The following FRMD4B variants were observed in gnomAD, a reference collection of about 807,000 sequenced individuals.
FRMD4B encodes the protein FERM domain containing 4B, also known as FERM domain-containing protein 4B.
Under a neutral mutation model 141.5 loss-of-function variants are expected in FRMD4B, and 74 were observed. The observed-to-expected ratio is 0.52, with a 90% confidence interval of 0.43 to 0.63. The LOEUF (loss-of-function observed/expected upper bound fraction) is 0.63, where lower values mean the gene tolerates loss of function less well. FRMD4B is among the 30% of genes least tolerant of loss of function. FRMD4B has a pLI of 0.00. For missense variants in FRMD4B, 1,366 were observed against 1,253.4 expected (o/e 1.09, Z -1.36); for synonymous variants, 506 against 467.9 (o/e 1.08, Z -1.05).
At chr3:69,267,706 C>G (rs2093574444) in intron 5 of FRMD4B, among the ~76,000 whole-genome samples, 1 of 142,040 alleles carries the variant, frequency 7.0e-6, no homozygotes, top group Non-Finnish European at 1.5e-5. Context: ...GTCTGTCCCC[C>G]CAGTCTATCT....
chr3:69,350,476 A>C (rs980614972), intron 1 of FRMD4B, among the ~76,000 whole-genome samples: 2 of 152,222 alleles, frequency 1.3e-5, no homozygotes, highest in Non-Finnish European at 2.9e-5. Context: ...ATTACTGCGT[A>C]TATACCCAAA....
Position 69,325,297 on chromosome 3 carries a change from C to T in FRMD4B, c.163-11780G>A, listed in dbSNP as rs149432406. On this transcript the variant is annotated intron_variant, in intron 1 of 22. Transcript: ENST00000398540. ...CAAGAAAGGCTGGCCAGTCAATGGA[C>T]GGCCATTGCTGCAGCTCTAATGCCA... Among the ~76,000 whole-genome samples the T allele has an allele frequency of 3.3e-3, 509 of 152,268 alleles. 1 individual carries two copies. Among genetic ancestry groups the T allele is most frequent in the African/African-American group, 0.011 (465 of 41,554 alleles).
intron 1 of FRMD4B, among the ~76,000 whole-genome samples, chr3:69,349,625 G>T (rs970023820): frequency 6.6e-6 from 1 of 151,954 alleles, no homozygotes; most frequent in Non-Finnish European, 1.5e-5. Context: ...CCAAAACAGA[G>T]ATATAGACCA....
At position 69,176,528 on chromosome 3, in the gene FRMD4B, T is replaced by C; in HGVS notation, c.2980A>G (p.Ser994Gly). Reference sequence around the variant, plus strand: ...TTTCGAGCATTGCTTCCTCACCTGCTTGGAGAGGGTAAAGGATTATAGACA... The same window carrying C: ...TTTCGAGCATTGCTTCCTCACCTGCCTGGAGAGGGTAAAGGATTATAGACA... Reference protein sequence around the residue: ...GNVYNPLPSPSRQYTEISQLD... With the variant: ...GNVYNPLPSPGRQYTEISQLD... The change falls in exon 22 of 23, where the codon AGC (serine) becomes GGC (glycine). Residue 994 changes from serine to glycine, a missense_variant. Transcript: ENST00000398540. 1 of 1,611,598 alleles carries C rather than the reference T, an allele frequency of 6.2e-7. No homozygotes were observed.
chr3:69,212,547 A>T (rs1460933373), intron 11 of FRMD4B, among the ~76,000 whole-genome samples: 1 of 152,148 alleles, frequency 6.6e-6, no homozygotes, highest in Non-Finnish European at 1.5e-5. Context: ...TGAACAAGCA[A>T]AACTGATTAT....
In FRMD4B at chr3:69,519,216, C is replaced by T. The variant is rs1700815052; in HGVS notation, c.-129+22990G>A. Among the ~76,000 whole-genome samples the T allele has an allele frequency of 2.0e-5, 3 of 152,114 alleles. No homozygotes were observed. The South Asian group carries it at 6.2e-4, about 32-fold the overall frequency. On this transcript the variant is annotated intron_variant, in intron 1 of 5. Transcript: ENST00000459638. The stretch of plus-strand genomic sequence containing the variant: ...CCAAGGTTTGGGAAGTAAAGGCAAG[C>T]CATTAGACAAAGTGATATGTGGGTC...
At chr3:69,250,141 C>A (rs763379293) in intron 5 of FRMD4B, 42 bp from the exon 6 acceptor site, 4 of 1,379,560 alleles carry the variant, frequency 2.9e-6, no homozygotes, top group Admixed American at 1.7e-5. Context: ...ATGGGGCTGT[C>A]CTAGATTGTA....
intron 4 of FRMD4B, among the ~76,000 whole-genome samples, chr3:69,291,860 A>G (rs79335413): frequency 0.016 from 2,404 of 150,646 alleles, 64 homozygotes; most frequent in African/African-American, 0.055. Context: ...CCAAGTTAAT[A>G]GAGGGCTTCT....
At chr3:69,287,592 TG>T in intron 5 of FRMD4B, 159 bp downstream of exon 5, 1 of 580,518 alleles carries the variant, frequency 1.7e-6, no homozygotes, top group Non-Finnish European at 3.1e-6. Flanking sequence ...AGATACCATT[TG>T]TGTATGTGTG....
At chr3:69,345,019 G>A (rs1471871053) in intron 1 of FRMD4B, among the ~76,000 whole-genome samples, 2 of 152,210 alleles carry the variant, frequency 1.3e-5, no homozygotes, top group East Asian at 3.9e-4. Context: ...CACCGAGAGT[G>A]AGCTGAAGCA....
chr3:69,200,804 T>G (rs1359919210), intron 11 of FRMD4B: 1 of 575,758 alleles, frequency 1.7e-6, no homozygotes, highest in Non-Finnish European at 3.0e-6. Flanking sequence ...CTACCCTAGT[T>G]TACTCACCCT....
chr3:69,270,569 C>CTT (rs57693333), intron 5 of FRMD4B, among the ~76,000 whole-genome samples: 14,970 of 144,078 alleles, frequency 0.1, 1,100 homozygotes, highest in African/African-American at 0.19. Flanking sequence ...TTCTTTTTTT[C>CTT]TTTTTTTTTT....
At position 69,457,588 on chromosome 3, in the gene FRMD4B, A is replaced by T. The variant is rs751181292; in HGVS notation, c.-128-24827T>A. ...TAACATGGCCGAGGTCGAAGTGTTA[A>T]AATCTTGTGCCACGTTTGTTTTCCC... On this transcript the variant is annotated intron_variant, in intron 1 of 5. Coordinates refer to the FRMD4B transcript ENST00000459638. Among the ~76,000 whole-genome samples the T allele has an allele frequency of 2.6e-5, 4 of 152,202 alleles. No individual in the cohort carries two copies. In the East Asian group the frequency reaches 5.8e-4, roughly 22 times the overall value.
chr3:69,297,746 G>A (rs1168909254), intron 4 of FRMD4B, among the ~76,000 whole-genome samples: 2 of 152,118 alleles, frequency 1.3e-5, no homozygotes, highest in Non-Finnish European at 2.9e-5. Context: ...ATTTATGGCA[G>A]CCAGATAACA....
At chr3:69,283,783 A>C (rs2093654830) in intron 5 of FRMD4B, among the ~76,000 whole-genome samples, 1 of 152,210 alleles carries the variant, frequency 6.6e-6, no homozygotes, top group Non-Finnish European at 1.5e-5. Flanking sequence ...CTCATCAGTC[A>C]ACCCTTAGAG....
chr3:69,274,092 G>A (rs1409791682), intron 5 of FRMD4B, among the ~76,000 whole-genome samples: 1 of 152,144 alleles, frequency 6.6e-6, no homozygotes, highest in East Asian at 1.9e-4. Context: ...CATCAGGGAA[G>A]GAGGAGTTAT....
At chr3:69,411,828 T>A (rs1446744419) in intron 2 of FRMD4B, among the ~76,000 whole-genome samples, 3 of 152,242 alleles carry the variant, frequency 2.0e-5, no homozygotes, top group Non-Finnish European at 4.4e-5. Context: ...TCCGAGGTCC[T>A]TGCTTTTGAA....
At chr3:69,191,760 A>G (rs995744154) in intron 17 of FRMD4B, among the ~76,000 whole-genome samples, 4 of 152,218 alleles carry the variant, frequency 2.6e-5, no homozygotes, top group African/African-American at 9.6e-5. Flanking sequence ...TGGATGGGCC[A>G]TAACAAATGG....
intron 3 of FRMD4B, among the ~76,000 whole-genome samples, chr3:69,307,617 G>C (rs957722957): frequency 1.3e-5 from 2 of 152,118 alleles, no homozygotes; most frequent in Non-Finnish European, 2.9e-5. Flanking sequence ...GAGATTACAG[G>C]CGTGAGCCAC....
Sources: gnomAD v4.1 joint callset for allele counts (sites outside exome capture counted in the v4.1 genomes callset) on GRCh38, gnomAD v4.1.1 for gene constraint, MANE v1.5 for transcripts, NCBI Gene and HGNC (gene_info 2026-07-23, HGNC 2026-07-21) for gene names.